Variants in HNRNPC observed in about 807,000 individuals in gnomAD.
The protein encoded by HNRNPC is heterogeneous nuclear ribonucleoprotein C, also known as heterogeneous nuclear ribonucleoproteins C1/C2.
A neutral mutation model predicts 33.2 loss-of-function variants in HNRNPC; 3 were observed. The observed-to-expected ratio is 0.09, with a 90% CI of 0.04 to 0.23. The LOEUF is 0.23. Ranked by LOEUF, HNRNPC falls within the 10% of genes least tolerant of loss-of-function variation. The pLI is 1.00. For missense variants in HNRNPC, 143 were observed against 366.7 expected, an observed-to-expected ratio of 0.39 and a Z score of 4.98; for synonymous variants, 121 against 126.7, an observed-to-expected ratio of 0.96 and a Z score of 0.30.
At chr14:21,229,018 T>C (rs1476484059) in intron 5 of HNRNPC, among the ~76,000 whole-genome samples, 2 of 146,938 alleles carry the variant, frequency 1.4e-5, no homozygotes, top group African/African-American at 5.1e-5. Flanking sequence ...CAAAGAGGCG[T>C]ATGTTGCAGT....
chr14:21,258,074 C>CTAAA (rs1877532367), intron 2 of HNRNPC, among the ~76,000 whole-genome samples: 1 of 152,078 alleles, frequency 6.6e-6, no homozygotes, highest in South Asian at 2.1e-4. Flanking sequence ...TTCTTTGGAA[C>CTAAA]TTTAACCAAA....
chr14:21,219,661 C>G (rs1349601886), intron 5 of HNRNPC, among the ~76,000 whole-genome samples: 1 of 152,152 alleles, frequency 6.6e-6, no homozygotes, highest in Admixed American at 6.5e-5. Context: ...CTCATTTCTT[C>G]CTTACCGCCA....
At chr14:21,244,951 G>A (rs1258196742) in intron 2 of HNRNPC, among the ~76,000 whole-genome samples, 1 of 151,906 alleles carries the variant, frequency 6.6e-6, no homozygotes, top group East Asian at 1.9e-4. Flanking sequence ...CAGGCGTGGT[G>A]GCATGCGCCT....
At chr14:21,212,866 CAA>C (rs1891770102) in intron 6 of HNRNPC, 92 bp downstream of exon 6, 3 of 1,491,216 alleles carry the variant, frequency 2.0e-6, no homozygotes, top group Admixed American at 1.7e-5. Flanking sequence ...TTTGAATACA[CAA>C]AGTCATGTGG....
chr14:21,230,859 T>C (rs993706190), intron 4 of HNRNPC, 138 bp downstream of exon 4: 3 of 925,164 alleles, frequency 3.2e-6, no homozygotes, highest in African/African-American at 3.3e-5. Context: ...TATACACAGA[T>C]AAAACACAGT....
In HNRNPC at chr14:21,211,125, G is replaced by T; in HGVS notation, c.*98C>A. ...ATGGGGAGAACAGTGAGCATGTGCTGAAGATACTAGGGGAGAGGATCTGGT... is the reference window on the plus strand; with the variant it reads ...ATGGGGAGAACAGTGAGCATGTGCTTAAGATACTAGGGGAGAGGATCTGGT... On this transcript the variant is annotated 3_prime_UTR_variant, in exon 9 of 9. Transcript: ENST00000553300. The T allele has an allele frequency of 8.2e-7, 1 of 1,226,920 alleles. No individual in the cohort carries two copies. Among genetic ancestry groups the T allele is most frequent in the Non-Finnish European group, 1.2e-6 (1 of 847,446 alleles). The allele number at this position is 1,226,920 out of a possible 1,614,324, so 76.0% of individuals were successfully genotyped here. A position where few individuals can be genotyped will look rare whatever the true frequency, so the allele number is the denominator to read the frequency against.
Position 21,230,512 on chromosome 14 carries a change from A to G in HNRNPC, c.318-146T>C, listed in dbSNP as rs1197192353. On this transcript the variant is annotated intron_variant, in intron 4 of 8. Coordinates refer to ENST00000553300, the MANE Select transcript of HNRNPC (RefSeq NM_004500.4). ...ATGATCCCCAATCATTCATACAATA[A>G]ATCACTCAATTCCAATCACCTTAGA... 4.7e-6 allele frequency: 3 copies of G among 632,144 alleles called. No homozygotes were observed. In the African/African-American group the frequency reaches 5.5e-5, roughly 12 times the overall value. 39.2% of individuals were successfully genotyped at this position (632,144 alleles called of 1,614,324 possible).
intron 5 of HNRNPC, among the ~76,000 whole-genome samples, chr14:21,215,819 A>C (rs1239371643): frequency 6.6e-6 from 1 of 151,230 alleles, no homozygotes; most frequent in Non-Finnish European, 1.5e-5. Context: ...GAATTGCTTG[A>C]ATCTGGAAGG....
chr14:21,213,362 T>A, intron 5 of HNRNPC: 1 of 444,338 alleles, frequency 2.3e-6, no homozygotes, highest in South Asian at 2.8e-5. Flanking sequence ...ATAAAACATA[T>A]ATCAAATTAT....
intron 2 of HNRNPC, among the ~76,000 whole-genome samples, chr14:21,249,426 A>T (rs1197207879): frequency 6.6e-6 from 1 of 151,328 alleles, no homozygotes; most frequent in African/African-American, 2.4e-5. Context: ...AATACAAAAA[A>T]AAAAAAAAAA....
At chr14:21,226,940 AC>A (rs1178212864) in intron 5 of HNRNPC, among the ~76,000 whole-genome samples, 1 of 150,780 alleles carries the variant, frequency 6.6e-6, no homozygotes, top group Non-Finnish European at 1.5e-5. Flanking sequence ...ACATATGAAG[AC>A]CCAGAGCTTT....
chr14:21,234,502 T>C (rs948506540), intron 2 of HNRNPC, among the ~76,000 whole-genome samples: 5 of 152,218 alleles, frequency 3.3e-5, no homozygotes, highest in African/African-American at 4.8e-5. Context: ...TGGCAGATCA[T>C]TGGCAATATA....
At position 21,222,376 on chromosome 14, in the gene HNRNPC, TTGTTTTTGTTTTTTTTTCC is replaced by T. The variant is rs575729745; in HGVS notation, c.365+7924_365+7942del. On this transcript the variant is annotated intron_variant, in intron 5 of 8. Transcript: ENST00000553300. ...TGCATACCAATCTCCATGGCAGAAT[TTGTTTTTGTTTTTTTTTCC>T]TGTACGGATTTGCCTATTTTAGGCA... Among the ~76,000 whole-genome samples, 18 of 151,716 alleles carry T rather than the reference TTGTTTTTGTTTTTTTTTCC, an allele frequency of 1.2e-4. No individual in the cohort carries two copies. The East Asian group carries it at 3.5e-3, about 29-fold the overall frequency.
intron 1 of HNRNPC, chr14:21,265,661 T>G (rs35052312): frequency 0.14 from 21,337 of 151,988 alleles, 1,713 homozygotes; most frequent in Admixed American, 0.23. Flanking sequence ...ATACAAAAAA[T>G]TAGCAGCACT....
chr14:21,212,633 C>A (rs1891741607), intron 6 of HNRNPC, among the ~76,000 whole-genome samples: 1 of 151,870 alleles, frequency 6.6e-6, no homozygotes, highest in Non-Finnish European at 1.5e-5. Flanking sequence ...ACCTCCGCCT[C>A]CTGGGTAAAA....
chr14:21,212,104 TTTTA>T, intron 6 of HNRNPC, 181 bp from the exon 7 acceptor site: 2 of 564,844 alleles, frequency 3.5e-6, no homozygotes, highest in Non-Finnish European at 6.3e-6. Flanking sequence ...CTGTAATGGT[TTTTA>T]TTGTTTTTAA....
intron 2 of HNRNPC, among the ~76,000 whole-genome samples, chr14:21,258,296 A>C (rs1877570696): frequency 6.6e-6 from 1 of 152,020 alleles, no homozygotes; most frequent in Non-Finnish European, 1.5e-5. Context: ...AGGCGGAGGC[A>C]CAAGAATCGC....
At chr14:21,264,248 G>C (rs1878627382) in intron 1 of HNRNPC, 1 of 152,112 alleles carries the variant, frequency 6.6e-6, no homozygotes, top group African/African-American at 2.4e-5. Flanking sequence ...TTTGCTATGA[G>C]TAATAGACTG....
chr14:21,236,426 A>G (rs915170754), intron 2 of HNRNPC: 2 of 152,338 alleles, frequency 1.3e-5, no homozygotes, highest in African/African-American at 4.8e-5. Flanking sequence ...CGTACTCACA[A>G]TACGGATTAA....
Sources: allele counts gnomAD v4.1 joint callset (sites outside exome capture counted in the v4.1 genomes callset), GRCh38; gene constraint gnomAD v4.1.1; transcripts MANE v1.5; gene names NCBI Gene and HGNC (gene_info 2026-07-23, HGNC 2026-07-21).